NLK: variants seen among roughly 807,000 people sequenced by gnomAD.
NLK encodes nemo like kinase.
In NLK, 11 loss-of-function variants were observed where a neutral mutation model predicts 59.0. That is an observed-to-expected ratio of 0.19 (90% CI 0.12 to 0.31). The LOEUF (loss-of-function observed/expected upper bound fraction) is 0.31. Among genes scored for constraint, NLK ranks in the 10% least tolerant of loss-of-function variants. NLK has a pLI of 1.00. For synonymous variants in NLK, 235 were observed against 235.9 expected (o/e 1.00, Z 0.03); for missense variants, 410 against 661.1 (o/e 0.62, Z 4.16).
the NLK span, among the ~76,000 whole-genome samples, chr17:28,203,867 A>C: frequency 2.0e-5 from 3 of 152,096 alleles, no homozygotes; most frequent in Non-Finnish European, 4.4e-5. Flanking sequence ...CCCAGTGCCC[A>C]TTCTGGATTT....
chr17:28,085,361 C>T (rs955529492), intron 1 of NLK, among the ~76,000 whole-genome samples: 4 of 152,088 alleles, frequency 2.6e-5, no homozygotes, highest in Non-Finnish European at 5.9e-5. Context: ...CTTAAACAAG[C>T]GAAGAAAGTA....
chr17:28,052,128 A>G (rs1909278630), intron 1 of NLK, among the ~76,000 whole-genome samples: 1 of 152,178 alleles, frequency 6.6e-6, no homozygotes, highest in Non-Finnish European at 1.5e-5. Flanking sequence ...AATTTCTTCT[A>G]CATGTCCATT....
chr17:28,149,871 G>A (rs936907959), intron 3 of NLK, among the ~76,000 whole-genome samples: 1 of 152,172 alleles, frequency 6.6e-6, no homozygotes, highest in Non-Finnish European at 1.5e-5. Flanking sequence ...GAAGATTGAA[G>A]ACAGTGACTT....
chr17:28,168,056 G>A (rs935242525), intron 5 of NLK, among the ~76,000 whole-genome samples: 1 of 150,658 alleles, frequency 6.6e-6, no homozygotes, highest in Non-Finnish European at 1.5e-5. Flanking sequence ...CGGGCGCAGT[G>A]GCTCACACCT....
At position 28,097,288 on chromosome 17, in the gene NLK, G is replaced by T. The variant is rs150217682; in HGVS notation, c.459-25315G>T. ...ACTAATGTTATTAAGAATTGGCCAT[G>T]CTTCTAACTGTAATTGTTACTTTTA... On this transcript the variant is annotated intron_variant, in intron 1 of 10. Coordinates refer to ENST00000407008, the MANE Select transcript of NLK (RefSeq NM_016231.5). 7.5e-4 allele frequency among the ~76,000 whole-genome samples: 114 copies of T among 152,256 alleles called. 1 individual carries two copies. The East Asian group carries it at 0.022, about 29-fold the overall frequency.
intron 1 of NLK, among the ~76,000 whole-genome samples, chr17:28,107,027 T>A (rs934903344): frequency 6.6e-6 from 1 of 152,052 alleles, no homozygotes; most frequent in East Asian, 1.9e-4. Flanking sequence ...TTACAAAAAT[T>A]AAAAACACTA....
chr17:28,144,748 C>T (rs1314056436), intron 3 of NLK, among the ~76,000 whole-genome samples: 2 of 152,110 alleles, frequency 1.3e-5, no homozygotes, highest in Non-Finnish European at 2.9e-5. Flanking sequence ...TTTAAGATTG[C>T]TAGACACCAG....
chr17:28,158,579 T>C (rs1449476997), intron 3 of NLK, among the ~76,000 whole-genome samples: 5 of 152,258 alleles, frequency 3.3e-5, no homozygotes, highest in African/African-American at 4.8e-5. Flanking sequence ...TTTTACTCTT[T>C]TGTAATAACA....
At chr17:28,056,403 G>A (rs1909446217) in intron 1 of NLK, among the ~76,000 whole-genome samples, 1 of 152,208 alleles carries the variant, frequency 6.6e-6, no homozygotes, top group Non-Finnish European at 1.5e-5. Context: ...GTTGGGGGCT[G>A]AGCCAGAGTT....
chr17:28,169,721 CTT>C (rs1193124964), intron 6 of NLK, among the ~76,000 whole-genome samples: 39 of 111,570 alleles, frequency 3.5e-4, no homozygotes, highest in Non-Finnish European at 4.9e-4. Flanking sequence ...GCTTCTTCTT[CTT>C]TTTTTTTTTT....
In NLK at chr17:28,186,100, T is replaced by A. The variant is rs539556947; in HGVS notation, c.1236+835T>A. The stretch of plus-strand genomic sequence containing the variant: ...ATGGAAGCATTTAGTAAAGAAAATT[T>A]AACTTGCCAAGAATACAAAGTCACC... On this transcript the variant is annotated intron_variant, in intron 8 of 10. Coordinates refer to ENST00000407008, the MANE Select transcript of NLK (RefSeq NM_016231.5). 5.9e-5 allele frequency among the ~76,000 whole-genome samples: 9 copies of A among 152,324 alleles called. No homozygotes were observed. The South Asian group carries it at 1.5e-3, about 25-fold the overall frequency.
chr17:28,046,386 A>G (rs936929351), intron 1 of NLK, among the ~76,000 whole-genome samples: 2 of 152,218 alleles, frequency 1.3e-5, no homozygotes, highest in African/African-American at 4.8e-5. Context: ...TCAAAGTAAG[A>G]GTTCCAGTTT....
At chr17:28,104,444 C>T (rs1247025635) in intron 1 of NLK, among the ~76,000 whole-genome samples, 6 of 152,036 alleles carry the variant, frequency 3.9e-5, no homozygotes, top group South Asian at 2.1e-4. Context: ...TTAGTAGAGA[C>T]GAGGTTTCAC....
At chr17:28,147,825 A>G (rs185496168) in intron 3 of NLK, among the ~76,000 whole-genome samples, 46 of 152,242 alleles carry the variant, frequency 3.0e-4, no homozygotes, top group African/African-American at 1.1e-3. Context: ...GCTGCTTGTT[A>G]TATTTGGGCA....
chr17:28,166,783 C>CAGA (rs1163175332), intron 5 of NLK, among the ~76,000 whole-genome samples: 2 of 152,102 alleles, frequency 1.3e-5, no homozygotes, highest in African/African-American at 4.8e-5. Flanking sequence ...TTCAGTTGAG[C>CAGA]AGAAATAGCA....
chr17:28,197,683 G>T (rs1909517406), downstream of NLK, among the ~76,000 whole-genome samples: 1 of 152,030 alleles, frequency 6.6e-6, no homozygotes, highest in Non-Finnish European at 1.5e-5. Context: ...ACATGTGGAA[G>T]ATGCAGATTA....
chr17:28,117,530 G>A (rs773434633), intron 1 of NLK, among the ~76,000 whole-genome samples: 3 of 152,116 alleles, frequency 2.0e-5, no homozygotes, highest in Non-Finnish European at 4.4e-5. Context: ...TAAACACAGA[G>A]TTAGAGGATG....
At chr17:28,167,030 G>A (rs1320494781) in intron 5 of NLK, among the ~76,000 whole-genome samples, 1 of 152,118 alleles carries the variant, frequency 6.6e-6, no homozygotes, top group African/African-American at 2.4e-5. Context: ...GTGAAGTTTG[G>A]ATATAATATT....
intron 6 of NLK, 25 bp downstream of exon 6, chr17:28,168,682 G>A (rs1567734908): frequency 6.4e-7 from 1 of 1,566,282 alleles, no homozygotes; most frequent in Non-Finnish European, 8.8e-7. Context: ...TAAGGCTTTA[G>A]TTGCAATTCT....
Sources: allele counts gnomAD v4.1 joint callset (sites outside exome capture counted in the v4.1 genomes callset), GRCh38; gene constraint gnomAD v4.1.1; transcripts MANE v1.5; gene names NCBI Gene and HGNC (gene_info 2026-07-23, HGNC 2026-07-21).